Variants in EYA2 observed in about 807,000 individuals in gnomAD.
The protein encoded by EYA2 is EYA transcriptional coactivator and phosphatase 2, also known as protein phosphatase EYA2.
Under a neutral mutation model 69.2 loss-of-function variants are expected in EYA2, and 31 were observed. The observed-to-expected ratio is 0.45, with a 90% CI of 0.34 to 0.60. The LOEUF (loss-of-function observed/expected upper bound fraction) is 0.60. Ranked by LOEUF, EYA2 falls within the 20% of genes least tolerant of loss-of-function variation. The pLI is 0.02. For synonymous variants in EYA2, 257 were observed against 279.4 expected, an observed-to-expected ratio of 0.92 and a Z score of 0.80; for missense variants, 622 against 701.2, an observed-to-expected ratio of 0.89 and a Z score of 1.28.
At position 47,188,215 on chromosome 20, in the gene EYA2, C is replaced by G. The variant is rs1187147756; in HGVS notation, c.*82C>G. The G allele has an allele frequency of 7.2e-7, 1 of 1,382,640 alleles. No homozygotes were observed. The highest frequency in any genetic ancestry group is 9.9e-7 in the Non-Finnish European group (1 of 1,006,934). 85.6% of individuals were successfully genotyped at this position (1,382,640 alleles called of 1,614,324 possible). ...ACCTCCCCACCGAGAACTCCAGAGACCCAGATGTTGGACACCAGGAAGGGG... is the reference window on the plus strand; with the variant it reads ...ACCTCCCCACCGAGAACTCCAGAGAGCCAGATGTTGGACACCAGGAAGGGG... On this transcript the variant is annotated 3_prime_UTR_variant, in exon 16 of 16. Transcript: ENST00000327619.
chr20:47,043,002 A>C lies in EYA2; in HGVS notation c.415+26705A>C, dbSNP rs555360556. 9.8e-5 allele frequency among the ~76,000 whole-genome samples: 15 copies of C among 152,330 alleles called. No individual in the cohort carries two copies. The East Asian group carries it at 2.3e-3, about 23-fold the overall frequency. On this transcript the variant is annotated intron_variant, in intron 5 of 15. Transcript: ENST00000327619. ...TTCTTAACAAGAAAGGAGAGGAAGC[A>C]GATATTGAGTAGGCACCCATTAGGC...
chr20:47,084,801 A>G (rs542081944), intron 7 of EYA2, among the ~76,000 whole-genome samples: 51 of 151,680 alleles, frequency 3.4e-4, no homozygotes, highest in African/African-American at 1.1e-3. Context: ...AAAATGGTAC[A>G]ACCACTATGG....
intron 1 of EYA2, among the ~76,000 whole-genome samples, chr20:46,948,851 A>G (rs927970986): frequency 6.6e-6 from 1 of 152,236 alleles, no homozygotes; most frequent in Non-Finnish European, 1.5e-5. Context: ...TGATCGCTCC[A>G]TAAATGTAGT....
chr20:46,921,754 G>T (rs570531881), intron 1 of EYA2, among the ~76,000 whole-genome samples: 9 of 152,356 alleles, frequency 5.9e-5, no homozygotes, highest in Admixed American at 3.3e-4. Flanking sequence ...GAGGGCAAAA[G>T]ATTCCCAATG....
intron 5 of EYA2, among the ~76,000 whole-genome samples, chr20:47,063,786 CG>C (rs1186008694): frequency 3.3e-5 from 5 of 152,186 alleles, no homozygotes; most frequent in African/African-American, 1.2e-4. Flanking sequence ...ATTTAAACCC[CG>C]GAAAACTCTG....
chr20:47,061,754 T>C (rs376431847), intron 5 of EYA2, among the ~76,000 whole-genome samples: 1 of 152,014 alleles, frequency 6.6e-6, no homozygotes, highest in Non-Finnish European at 1.5e-5. Context: ...TTGCAGAGGG[T>C]GTAGGCGAGT....
intron 5 of EYA2, among the ~76,000 whole-genome samples, chr20:47,064,800 G>A (rs953789936): frequency 3.3e-5 from 5 of 152,220 alleles, no homozygotes; most frequent in Admixed American, 2.0e-4. Flanking sequence ...AGAGTAGACA[G>A]CAGCGTCACA....
intron 5 of EYA2, among the ~76,000 whole-genome samples, chr20:47,033,451 G>A (rs528141121): frequency 5.9e-5 from 9 of 152,284 alleles, no homozygotes; most frequent in African/African-American, 1.7e-4. Context: ...ACAAAAACAG[G>A]TGACCAGCCC....
rs73313753 is a variant in EYA2 at position 47,183,432 on chromosome 20, C to T, written c.1536+41C>T. 12,747 of 1,583,478 alleles carry T rather than the reference C, an allele frequency of 8.0e-3. 824 individuals are homozygous for T. In the African/African-American group the frequency reaches 0.14, roughly 18 times the overall value. Reference sequence around the variant, plus strand: ...CTCAGACTGCGTTTTCCTGCTCTTTCGAGCACCCCTCGTGGTCTTCAAGGG... The same window carrying T: ...CTCAGACTGCGTTTTCCTGCTCTTTTGAGCACCCCTCGTGGTCTTCAAGGG... On this transcript the variant is annotated intron_variant, in intron 15 of 15. Transcript: ENST00000327619.
At chr20:47,119,119 G>C (rs987659053) in intron 9 of EYA2, among the ~76,000 whole-genome samples, 1 of 152,178 alleles carries the variant, frequency 6.6e-6, no homozygotes, top group Non-Finnish European at 1.5e-5. Context: ...TTGAGAAGCC[G>C]TCTCCCCTCC....
chr20:46,996,133 G>T (rs1429630076), intron 2 of EYA2, among the ~76,000 whole-genome samples: 3 of 152,206 alleles, frequency 2.0e-5, no homozygotes, highest in Non-Finnish European at 2.9e-5. Context: ...CTGCGTGAAT[G>T]AATGAAACAT....
intron 5 of EYA2, among the ~76,000 whole-genome samples, chr20:47,065,806 A>T (rs978452825): frequency 7.9e-5 from 12 of 152,162 alleles, no homozygotes; most frequent in African/African-American, 2.7e-4. Flanking sequence ...TGCAGTTCAC[A>T]CCTCAGTAGT....
chr20:47,126,185 G>A (rs191709831), intron 9 of EYA2, among the ~76,000 whole-genome samples: 3 of 152,332 alleles, frequency 2.0e-5, no homozygotes, highest in East Asian at 1.9e-4. Context: ...TGCAAAGCGC[G>A]AGGCCAAACG....
At chr20:47,021,839 C>G (rs938427047) in intron 5 of EYA2, among the ~76,000 whole-genome samples, 1 of 151,974 alleles carries the variant, frequency 6.6e-6, no homozygotes, top group African/African-American at 2.4e-5. Context: ...CAGCTCGAGA[C>G]CTCCGAGACT....
chr20:46,961,005 G>T (rs922450721), intron 1 of EYA2, among the ~76,000 whole-genome samples: 6 of 152,198 alleles, frequency 3.9e-5, no homozygotes, highest in African/African-American at 1.4e-4. Flanking sequence ...TTTCCTGGAG[G>T]TTTGGCTGAT....
intron 5 of EYA2, among the ~76,000 whole-genome samples, chr20:47,030,708 C>G (rs183253722): frequency 6.6e-6 from 1 of 151,302 alleles, no homozygotes; most frequent in East Asian, 2.0e-4. Context: ...TATGCTCGCT[C>G]TGTGAACACA....
intron 1 of EYA2, among the ~76,000 whole-genome samples, chr20:46,940,316 G>GC (rs1346441600): frequency 6.6e-5 from 10 of 152,172 alleles, no homozygotes; most frequent in African/African-American, 2.4e-4. Flanking sequence ...GGTCCTCCCA[G>GC]CCCTTGAGGT....
At chr20:47,103,737 C>A (rs1355256548) in intron 9 of EYA2, among the ~76,000 whole-genome samples, 1 of 152,010 alleles carries the variant, frequency 6.6e-6, no homozygotes, top group Non-Finnish European at 1.5e-5. Context: ...GGTTCCTCCA[C>A]CAACACAAGG....
At chr20:47,169,274 G>T in intron 11 of EYA2, 77 bp downstream of exon 11, 3 of 1,442,532 alleles carry the variant, frequency 2.1e-6, no homozygotes, top group African/African-American at 1.4e-5. Flanking sequence ...AGGAAGTGGG[G>T]TGGGAGAGGA....
Sources: gnomAD v4.1 joint callset for allele counts (sites outside exome capture counted in the v4.1 genomes callset) on GRCh38, gnomAD v4.1.1 for gene constraint, MANE v1.5 for transcripts, NCBI Gene and HGNC (gene_info 2026-07-23, HGNC 2026-07-21) for gene names.